PTPRD: variants seen among roughly 807,000 people sequenced by gnomAD.
PTPRD encodes the protein protein tyrosine phosphatase receptor type D, also known as receptor-type tyrosine-protein phosphatase delta.
In PTPRD, 34 loss-of-function variants were observed where a neutral mutation model predicts 214.5. The ratio of observed to expected loss-of-function variants is 0.16; its 90% CI spans 0.12 to 0.21. The LOEUF (loss-of-function observed/expected upper bound fraction) is 0.21, where lower values mean the gene tolerates loss of function less well. Ranked by LOEUF, PTPRD falls within the 10% of genes least tolerant of loss-of-function variation. The probability of loss-of-function intolerance (pLI) is 1.00; values close to 1 mark genes in which losing one functional copy is unlikely to be tolerated. For missense variants in PTPRD, 2,545 were observed against 2,398.7 expected (o/e 1.06, Z -1.27); for synonymous variants, 1,128 against 845.7 (o/e 1.33, Z -5.79).
chr9:9,354,883 T>A (rs949109482), intron 9 of PTPRD, among the ~76,000 whole-genome samples: 2 of 151,650 alleles, frequency 1.3e-5, no homozygotes, highest in Non-Finnish European at 2.9e-5. Flanking sequence ...TAACAACTAG[T>A]GCAAGAGGCC....
chr9:10,393,834 G>A (rs891838371), intron 2 of PTPRD, among the ~76,000 whole-genome samples: 7 of 147,850 alleles, frequency 4.7e-5, no homozygotes, highest in Admixed American at 2.7e-4. Flanking sequence ...TATATGATTC[G>A]AAGTAATGCC....
chr9:9,129,193 C>G (rs1303161173), intron 10 of PTPRD, among the ~76,000 whole-genome samples: 1 of 152,116 alleles, frequency 6.6e-6, no homozygotes, highest in Non-Finnish European at 1.5e-5. Context: ...AGTTTGAGAC[C>G]CACCTGGCCA....
At chr9:9,266,148 AT>A (rs750762975) in intron 9 of PTPRD, among the ~76,000 whole-genome samples, 1 of 151,522 alleles carries the variant, frequency 6.6e-6, no homozygotes, top group African/African-American at 2.4e-5. Context: ...AAAGAAAGTC[AT>A]TTTATAATGA....
intron 11 of PTPRD, among the ~76,000 whole-genome samples, chr9:8,947,824 G>T (rs1290585233): frequency 6.6e-6 from 1 of 152,056 alleles, no homozygotes. Flanking sequence ...AAATAATGGT[G>T]ATAGCTTATA....
Position 9,922,184 on chromosome 9 carries a change from G to A in PTPRD, c.-368+16323C>T, listed in dbSNP as rs1332206053. 5.9e-5 allele frequency among the ~76,000 whole-genome samples: 9 copies of A among 152,102 alleles called. No homozygotes were observed. In the East Asian group the frequency reaches 1.7e-3, roughly 29 times the overall value. ...GTGCTTTAGAAGGCACGAATGAACT[G>A]CAGTTCTGAACAGAGAAAAATTCAT... On this transcript the variant is annotated intron_variant, in intron 5 of 45. Coordinates refer to ENST00000381196, the MANE Select transcript of PTPRD (RefSeq NM_002839.4).
At chr9:9,378,205 C>G (rs929496299) in intron 9 of PTPRD, among the ~76,000 whole-genome samples, 10 of 152,126 alleles carry the variant, frequency 6.6e-5, no homozygotes, top group Admixed American at 1.3e-4. Flanking sequence ...ACACTGCAAC[C>G]CCTGGCAACC....
At chr9:8,532,763 C>G (rs2139749462) in intron 14 of PTPRD, among the ~76,000 whole-genome samples, 2 of 152,106 alleles carry the variant, frequency 1.3e-5, no homozygotes, top group Admixed American at 1.3e-4. Context: ...TTACTACATA[C>G]TTGTGCTTAG....
intron 2 of PTPRD, among the ~76,000 whole-genome samples, chr9:10,368,664 A>T (rs924290282): frequency 2.0e-5 from 3 of 152,076 alleles, no homozygotes; most frequent in African/African-American, 7.2e-5. Context: ...CTAGATATTA[A>T]TCTCACTTAT....
At chr9:9,897,909 G>C (rs540264501) in intron 5 of PTPRD, among the ~76,000 whole-genome samples, 1 of 152,144 alleles carries the variant, frequency 6.6e-6, no homozygotes, top group South Asian at 2.1e-4. Flanking sequence ...GGTCTCTGTT[G>C]CAACTGTTCA....
At chr9:9,676,896 A>C (rs1028117293) in intron 7 of PTPRD, among the ~76,000 whole-genome samples, 9 of 151,902 alleles carry the variant, frequency 5.9e-5, no homozygotes, top group African/African-American at 1.9e-4. Flanking sequence ...GCATTTTTTC[A>C]TGTGTTTTTT....
intron 35 of PTPRD, among the ~76,000 whole-genome samples, chr9:8,412,355 A>T (rs1043918512): frequency 1.3e-5 from 2 of 152,238 alleles, no homozygotes; most frequent in African/African-American, 4.8e-5. Context: ...AGCAAATACA[A>T]TCAATGTGCA....
intron 3 of PTPRD, among the ~76,000 whole-genome samples, chr9:10,138,712 T>C (rs930399438): frequency 3.3e-5 from 5 of 152,136 alleles, no homozygotes; most frequent in South Asian, 2.1e-4. Flanking sequence ...AATGACCAAA[T>C]AGGCTTTCTT....
intron 2 of PTPRD, among the ~76,000 whole-genome samples, chr9:10,441,066 T>C (rs1226964330): frequency 1.3e-5 from 2 of 151,752 alleles, no homozygotes; most frequent in Non-Finnish European, 2.9e-5. Context: ...TAACCTTATT[T>C]AGGACTTCAT....
intron 8 of PTPRD, among the ~76,000 whole-genome samples, chr9:9,463,288 T>A (rs2093832953): frequency 6.6e-6 from 1 of 152,118 alleles, no homozygotes. Context: ...TAAACAGGAA[T>A]AATTGTCACA....
chr9:9,317,792 A>G (rs1422223778), intron 9 of PTPRD, among the ~76,000 whole-genome samples: 1 of 152,180 alleles, frequency 6.6e-6, no homozygotes, highest in Non-Finnish European at 1.5e-5. Context: ...ATCAAAATTC[A>G]TGATATTAAT....
At chr9:8,790,939 C>G (rs2096205433) in intron 11 of PTPRD, among the ~76,000 whole-genome samples, 1 of 152,152 alleles carries the variant, frequency 6.6e-6, no homozygotes. Flanking sequence ...TAGCTCTATA[C>G]TGGACAAAAC....
chr9:10,591,421 C>A (rs1469416252), intron 2 of PTPRD, among the ~76,000 whole-genome samples: 2 of 152,028 alleles, frequency 1.3e-5, no homozygotes, highest in Non-Finnish European at 1.5e-5. Context: ...TCTTGTTTTG[C>A]TTTGAGAGTT....
intron 10 of PTPRD, among the ~76,000 whole-genome samples, chr9:9,094,920 T>G (rs907086361): frequency 6.6e-6 from 1 of 151,972 alleles, no homozygotes; most frequent in Non-Finnish European, 1.5e-5. Context: ...GATGCACAAA[T>G]TCTCAAAAAC....
intron 10 of PTPRD, among the ~76,000 whole-genome samples, chr9:9,063,715 G>C (rs1215404595): frequency 6.6e-6 from 1 of 152,126 alleles, no homozygotes; most frequent in Non-Finnish European, 1.5e-5. Context: ...GACTAGATAT[G>C]TTTAAAAGAA....
Sources: allele counts gnomAD v4.1 joint callset (sites outside exome capture counted in the v4.1 genomes callset), GRCh38; gene constraint gnomAD v4.1.1; transcripts MANE v1.5; gene names NCBI Gene and HGNC (gene_info 2026-07-23, HGNC 2026-07-21).